The following TAFA1 variants were observed in gnomAD, a reference collection of about 807,000 sequenced individuals.
TAFA1 encodes the protein chemokine-like protein TAFA-1.
TAFA1 carries 4 observed loss-of-function variants against 18.5 expected under a neutral mutation model. The observed-to-expected ratio is 0.22, with a 90% CI of 0.11 to 0.49. The LOEUF is 0.49. Among genes scored for constraint, TAFA1 ranks in the 20% least tolerant of loss-of-function variants. The pLI, the probability that TAFA1 is intolerant of heterozygous loss-of-function variation, is 0.98. For missense variants in TAFA1, 147 were observed against 169.0 expected (o/e 0.87, Z 0.72); for synonymous variants, 56 against 55.2 (o/e 1.01, Z -0.06).
chr3:68,400,514 G>A (rs2070466283), intron 2 of TAFA1, among the ~76,000 whole-genome samples: 1 of 152,170 alleles, frequency 6.6e-6, no homozygotes, highest in African/African-American at 2.4e-5. Context: ...GGAACCATCA[G>A]CATTTGAACC....
chr3:68,447,315 T>C (rs1177853110), intron 3 of TAFA1, among the ~76,000 whole-genome samples: 2 of 152,220 alleles, frequency 1.3e-5, no homozygotes, highest in Non-Finnish European at 2.9e-5. Context: ...TATTGAGTGC[T>C]AGAACCAGGA....
At chr3:68,047,848 T>G (rs550129534) in intron 2 of TAFA1, among the ~76,000 whole-genome samples, 7 of 152,222 alleles carry the variant, frequency 4.6e-5, no homozygotes, top group African/African-American at 7.2e-5. Context: ...ACTTCAGAAA[T>G]TTTAGAAGCT....
chr3:68,240,825 CAG>C (rs1491285961), intron 2 of TAFA1, among the ~76,000 whole-genome samples: 3 of 152,060 alleles, frequency 2.0e-5, no homozygotes, highest in Non-Finnish European at 4.4e-5. Flanking sequence ...TTTGTACTGT[CAG>C]GGAATAAGCA....
chr3:68,071,661 G>T (rs1441795380), intron 2 of TAFA1, among the ~76,000 whole-genome samples: 2 of 152,216 alleles, frequency 1.3e-5, no homozygotes, highest in Middle Eastern at 6.8e-3. Context: ...GGCTGTTCTT[G>T]CATGGCTACC....
chr3:68,070,640 C>T (rs1003320101), intron 2 of TAFA1, among the ~76,000 whole-genome samples: 6 of 152,220 alleles, frequency 3.9e-5, no homozygotes, highest in African/African-American at 1.4e-4. Flanking sequence ...TCAGGCTACA[C>T]ATTTTCTGAA....
chr3:68,067,891 T>C lies in TAFA1; in HGVS notation c.118+61147T>C, dbSNP rs577873119. Among the ~76,000 whole-genome samples, 11 of 140,134 alleles carry C rather than the reference T, an allele frequency of 7.8e-5. No homozygotes were observed. The South Asian group carries it at 2.1e-3, about 27-fold the overall frequency. 91.9% of individuals were successfully genotyped at this position (140,134 alleles called of 152,430 possible). A position where few individuals can be genotyped will look rare whatever the true frequency, so the allele number is the denominator to read the frequency against. ...AGAAAGACAGATTCATAAACAATTA[T>C]AATAAGGAAAAATACTTACTCTAAT... On this transcript the variant is annotated intron_variant, in intron 2 of 4. Transcript: ENST00000478136.
chr3:68,357,982 C>T (rs915956281), intron 2 of TAFA1, among the ~76,000 whole-genome samples: 1 of 151,956 alleles, frequency 6.6e-6, no homozygotes, highest in South Asian at 2.1e-4. Flanking sequence ...CATGTTGCTT[C>T]ATGTGCCTTC....
intron 1 of TAFA1, among the ~76,000 whole-genome samples, chr3:68,005,483 T>C (rs1284185047): frequency 1.3e-5 from 2 of 152,366 alleles, no homozygotes; most frequent in East Asian, 1.9e-4. Context: ...ATTATGTGCA[T>C]ACATATGATG....
chr3:67,992,120 G>A, the TAFA1 span, among the ~76,000 whole-genome samples: 1 of 152,188 alleles, frequency 6.6e-6, no homozygotes, highest in Admixed American at 6.5e-5. Flanking sequence ...GAGACAGTGT[G>A]TGATTTACAA....
At position 68,058,430 on chromosome 3, in the gene TAFA1, C is replaced by T. The variant is rs756783090; in HGVS notation, c.118+51686C>T. 2.0e-5 allele frequency among the ~76,000 whole-genome samples: 3 copies of T among 152,096 alleles called. No individual in the cohort carries two copies. The East Asian group carries it at 5.8e-4, about 29-fold the overall frequency. ...ATGATCTCAGTTTATAAGGTGTTCTCACATATGGGTGTTTAAGCTTGAATC... is the reference window on the plus strand; with the variant it reads ...ATGATCTCAGTTTATAAGGTGTTCTTACATATGGGTGTTTAAGCTTGAATC... On this transcript the variant is annotated intron_variant, in intron 2 of 4. Coordinates refer to ENST00000478136, the MANE Select transcript of TAFA1 (RefSeq NM_213609.4).
intron 3 of TAFA1, among the ~76,000 whole-genome samples, chr3:68,438,810 A>G (rs541618357): frequency 4.3e-4 from 65 of 152,180 alleles, no homozygotes; most frequent in Non-Finnish European, 8.1e-4. Context: ...TATGGCTTGC[A>G]TCTTCTGGGG....
chr3:68,435,169 A>G (rs1433809388), intron 3 of TAFA1, among the ~76,000 whole-genome samples: 1 of 152,080 alleles, frequency 6.6e-6, no homozygotes, highest in Non-Finnish European at 1.5e-5. Flanking sequence ...CTGGGACTCT[A>G]AGTGACTAGG....
At chr3:68,100,646 T>A (rs1162298029) in intron 2 of TAFA1, among the ~76,000 whole-genome samples, 6 of 152,212 alleles carry the variant, frequency 3.9e-5, no homozygotes, top group Non-Finnish European at 8.8e-5. Context: ...CAGCTATCTA[T>A]TGACCCAATA....
Position 68,500,112 on chromosome 3 carries a change from C to G in TAFA1, c.260-38644C>G, listed in dbSNP as rs114158919. Among the ~76,000 whole-genome samples, 953 of 152,086 alleles carry G rather than the reference C, an allele frequency of 6.3e-3. 12 individuals carry two copies. Among genetic ancestry groups the G allele is most frequent in the African/African-American group, 0.021 (882 of 41,490 alleles). ...TCTTTGACATGGCTCTAAACAACTCCAAGCTCACATTTTTTCTGGGTTTGA... is the reference window on the plus strand; with the variant it reads ...TCTTTGACATGGCTCTAAACAACTCGAAGCTCACATTTTTTCTGGGTTTGA... On this transcript the variant is annotated intron_variant, in intron 3 of 4. Coordinates refer to ENST00000478136, the MANE Select transcript of TAFA1 (RefSeq NM_213609.4).
chr3:68,076,095 G>A (rs1364370227), intron 2 of TAFA1, among the ~76,000 whole-genome samples: 2 of 152,176 alleles, frequency 1.3e-5, no homozygotes, highest in East Asian at 1.9e-4. Flanking sequence ...TGTGGTTTTT[G>A]TTGGGTTGTT....
intron 2 of TAFA1, among the ~76,000 whole-genome samples, chr3:68,305,827 C>G (rs1019637177): frequency 2.6e-5 from 4 of 152,068 alleles, no homozygotes; most frequent in Non-Finnish European, 4.4e-5. Context: ...CCACTTCTAG[C>G]TATGTGAACT....
At chr3:68,127,649 A>AGTGGTGGTGGTGGTGTGATGATG (rs1405483686) in intron 2 of TAFA1, among the ~76,000 whole-genome samples, 14 of 358 alleles carry the variant, frequency 0.039, no homozygotes, top group African/African-American at 0.14. Context: ...TGCTGATGAC[A>AGTGGTGGTGGTGGTGTGATGATG]GTGGTGGTGG....
chr3:67,996,715 C>T, the TAFA1 span, among the ~76,000 whole-genome samples: 1 of 151,892 alleles, frequency 6.6e-6, no homozygotes, highest in Non-Finnish European at 1.5e-5. Context: ...ATGAGAATTC[C>T]CTGAACTTGG....
At chr3:68,069,539 C>T in intron 2 of TAFA1, among the ~76,000 whole-genome samples, 1 of 152,140 alleles carries the variant, frequency 6.6e-6, no homozygotes, top group African/African-American at 2.4e-5. Context: ...TTCCACCCCT[C>T]ACCCCTCCCA....
Sources: gnomAD v4.1 joint callset for allele counts (sites outside exome capture counted in the v4.1 genomes callset) on GRCh38, gnomAD v4.1.1 for gene constraint, MANE v1.5 for transcripts, NCBI Gene and HGNC (gene_info 2026-07-23, HGNC 2026-07-21) for gene names.